FCGR2B: variants seen among roughly 807,000 people sequenced by gnomAD.
FCGR2B encodes low affinity immunoglobulin gamma Fc region receptor II-b.
In FCGR2B, 18 loss-of-function variants were observed where a neutral mutation model predicts 24.8. The observed-to-expected ratio is 0.73, with a 90% CI of 0.50 to 1.08. The LOEUF is 1.08. FCGR2B is among the 50% of genes least tolerant of loss of function. The probability of loss-of-function intolerance (pLI) is 0.00; values close to 1 mark genes in which losing one functional copy is unlikely to be tolerated. For synonymous variants in FCGR2B, 79 were observed against 109.8 expected (o/e 0.72, Z 1.75); for missense variants, 215 against 297.6 (o/e 0.72, Z 2.04).
Position 161,671,526 on chromosome 1 carries a change from C to T in FCGR2B, c.268C>T (p.Leu90Phe), listed in dbSNP as rs141422960. 15 of 1,614,064 alleles carry T rather than the reference C, an allele frequency of 9.3e-6. No homozygotes were observed. Among genetic ancestry groups the T allele is most frequent in the African/African-American group, 8.0e-5 (6 of 74,912 alleles). The change falls in exon 3 of 8, where the codon CTC becomes TTC. Residue 90 changes from leucine to phenylalanine, a missense_variant. Leu to Phe is a conservative substitution (Grantham distance 22). This residue lies in a region of FCGR2B where 77 missense variants were observed against 68.8 expected (regional missense o/e 1.12). Coordinates refer to ENST00000358671, the MANE Select transcript of FCGR2B (RefSeq NM_001394477.1). ...CATTCAGTGGTTCCACAATGGGAAT[C>T]TCATTCCCACCCACACGCAGCCCAG... is the stretch of plus-strand genomic sequence containing the variant. ...DSIQWFHNGN[L>F]IPTHTQPSYR...
the FCGR2B span, among the ~76,000 whole-genome samples, chr1:161,654,368 TTTG>T: frequency 0.97 from 129,351 of 133,012 alleles, 63,033 homozygotes; most frequent in East Asian, 1. Flanking sequence ...ATGTTTGTTT[TTTG>T]TTGTTGTTGT....
chr1:161,676,148 A>G (rs2102678892), intron 6 of FCGR2B: 2 of 229,432 alleles, frequency 8.7e-6, no homozygotes, highest in East Asian at 1.2e-4. Context: ...TTAAAGTCAG[A>G]GCACAAAGGA....
At chr1:161,667,489 T>C (rs539395194) in intron 1 of FCGR2B, among the ~76,000 whole-genome samples, 1 of 108,072 alleles carries the variant, frequency 9.3e-6, no homozygotes, top group East Asian at 2.0e-4. Context: ...TACAGGTGCA[T>C]TTGGTAGAGA....
At chr1:161,670,830 G>A (rs1003779054) in intron 2 of FCGR2B, among the ~76,000 whole-genome samples, 2 of 121,232 alleles carry the variant, frequency 1.6e-5, no homozygotes, top group South Asian at 3.2e-4. Flanking sequence ...AGAGAGGCTC[G>A]TGTATGCTTG....
At position 161,671,280 on chromosome 1, in the gene FCGR2B, C is replaced by A. The variant is rs1681629827; in HGVS notation, c.134-112C>A. 5 of 1,550,846 alleles carry A rather than the reference C, an allele frequency of 3.2e-6. No individual in the cohort carries two copies. In the Admixed American group the frequency reaches 5.7e-5, roughly 18 times the overall value. On this transcript the variant is annotated intron_variant, in intron 2 of 7. Coordinates refer to ENST00000358671, the MANE Select transcript of FCGR2B (RefSeq NM_001394477.1). The stretch of plus-strand genomic sequence containing the variant: ...TTGCAGAACCATTCTGGGCCTGGCT[C>A]GGCTTTTGGTGCCCCTAGTAGGCCT...
the FCGR2B span, among the ~76,000 whole-genome samples, chr1:161,656,223 T>A: frequency 6.8e-6 from 1 of 147,832 alleles, no homozygotes; most frequent in African/African-American, 2.4e-5. Flanking sequence ...TGTATTGTTT[T>A]TATATCTGTC....
chr1:161,672,918 G>A (rs1260958874), intron 3 of FCGR2B, 57 bp from the exon 4 acceptor site: 1 of 1,605,310 alleles, frequency 6.2e-7, no homozygotes, highest in African/African-American at 1.3e-5. Flanking sequence ...GGAAGATCTG[G>A]GTCTCAGAGC....
At chr1:161,652,497 T>A in the FCGR2B span, among the ~76,000 whole-genome samples, 1 of 134,782 alleles carries the variant, frequency 7.4e-6, no homozygotes, top group Non-Finnish European at 1.7e-5. Flanking sequence ...CCCCATCTGT[T>A]TATGTATGTT....
At chr1:161,661,182 GAAGA>G (rs1378913821), upstream of FCGR2B, among the ~76,000 whole-genome samples, 10 of 98,182 alleles carry the variant, frequency 1.0e-4, 1 homozygote, top group South Asian at 3.2e-4. Context: ...AGGAAGGAAG[GAAGA>G]AAGGAAAGAA....
chr1:161,650,007 G>A, the FCGR2B span, among the ~76,000 whole-genome samples: 40 of 150,640 alleles, frequency 2.7e-4, no homozygotes, highest in Middle Eastern at 3.4e-3. Context: ...AAAAATATGC[G>A]TATGTGTGTT....
upstream of FCGR2B, among the ~76,000 whole-genome samples, chr1:161,661,220 A>G (rs181437895): frequency 0.056 from 4,374 of 77,636 alleles, 468 homozygotes; most frequent in Non-Finnish European, 0.087. Flanking sequence ...GAAAGAAAGA[A>G]AGAAAGAAAG....
chr1:161,655,978 T>A, the FCGR2B span, among the ~76,000 whole-genome samples: 1 of 124,280 alleles, frequency 8.0e-6, no homozygotes, highest in Non-Finnish European at 1.8e-5. Flanking sequence ...GTCTCAGCCT[T>A]CCAAATAGTT....
At chr1:161,647,830 A>G in the FCGR2B span, among the ~76,000 whole-genome samples, 1 of 150,966 alleles carries the variant, frequency 6.6e-6, no homozygotes, top group South Asian at 2.1e-4. Context: ...CATTCTCCTC[A>G]GGTCAAGGTA....
the FCGR2B span, among the ~76,000 whole-genome samples, chr1:161,651,913 A>T: frequency 8.0e-6 from 1 of 125,014 alleles, no homozygotes; most frequent in African/African-American, 2.8e-5. Context: ...AGCCTGGGCA[A>T]CAAGAGCGAA....
intron 2 of FCGR2B, 71 bp from the exon 3 acceptor site, chr1:161,671,321 T>G: frequency 6.2e-7 from 1 of 1,611,360 alleles, no homozygotes; most frequent in Non-Finnish European, 8.5e-7. Flanking sequence ...TGCTTTTTTG[T>G]CTGAGATTCA....
At chr1:161,671,933 A>G (rs1035681381) in intron 3 of FCGR2B, 10 of 546,648 alleles carry the variant, frequency 1.8e-5, no homozygotes, top group East Asian at 6.5e-5. Context: ...ACAGACCACA[A>G]CTGAATCCTA....
At chr1:161,647,923 C>T in the FCGR2B span, among the ~76,000 whole-genome samples, 1 of 150,904 alleles carries the variant, frequency 6.6e-6, no homozygotes, top group Non-Finnish European at 1.5e-5. Flanking sequence ...GGAGAGTCAG[C>T]GACTCGTAGA....
At chr1:161,654,523 G>C in the FCGR2B span, among the ~76,000 whole-genome samples, 1 of 134,810 alleles carries the variant, frequency 7.4e-6, no homozygotes, top group East Asian at 2.0e-4. Context: ...AATGATGGCT[G>C]CTCCATTACC....
chr1:161,650,728 G>A, the FCGR2B span, among the ~76,000 whole-genome samples: 1 of 115,014 alleles, frequency 8.7e-6, no homozygotes, highest in Non-Finnish European at 1.8e-5. Context: ...GCAGGATCAC[G>A]TTTCTTAGCC....
Sources: gnomAD v4.1 joint callset for allele counts (sites outside exome capture counted in the v4.1 genomes callset) on GRCh38, gnomAD v4.1.1 for gene constraint, gnomAD v4.1.1 regional missense constraint, MANE v1.5 for transcripts, NCBI Gene and HGNC (gene_info 2026-07-23, HGNC 2026-07-21) for gene names.